The following PPP3CC variants were observed in gnomAD, a reference collection of about 807,000 sequenced individuals.
PPP3CC encodes the protein serine/threonine-protein phosphatase 2B catalytic subunit gamma isoform.
Under a neutral mutation model 60.3 loss-of-function variants are expected in PPP3CC, and 35 were observed. That is an observed-to-expected ratio of 0.58 (90% confidence interval 0.44 to 0.77). The LOEUF (loss-of-function observed/expected upper bound fraction) is 0.77. Among genes scored for constraint, PPP3CC ranks in the 30% least tolerant of loss-of-function variants. The probability of loss-of-function intolerance (pLI) is 0.00; values close to 1 mark genes in which losing one functional copy is unlikely to be tolerated. For missense variants in PPP3CC, 570 were observed against 628.9 expected (o/e 0.91, Z 1.00); for synonymous variants, 206 against 224.3 (o/e 0.92, Z 0.73).
At chr8:22,447,174 A>AAT (rs1399822293) in intron 1 of PPP3CC, among the ~76,000 whole-genome samples, 11 of 140,214 alleles carry the variant, frequency 7.8e-5, no homozygotes, top group Non-Finnish European at 1.7e-4. Context: ...GTGTCCAACT[A>AAT]ATTTTTTTTT....
rs559827375 is a variant in PPP3CC, at chr8:22,505,057, C to G, written c.485-6029C>G. Among the ~76,000 whole-genome samples, 5 of 128,050 alleles carry G rather than the reference C, an allele frequency of 3.9e-5. No individual in the cohort carries two copies. In the East Asian group the frequency reaches 1.2e-3, roughly 31 times the overall value. The allele number at this position is 128,050 out of a possible 152,430, so 84.0% of individuals were successfully genotyped here. On this transcript the variant is annotated intron_variant, in intron 4 of 13. Coordinates refer to ENST00000240139, the MANE Select transcript of PPP3CC (RefSeq NM_005605.5). ...TTTTTTTTTTTTTGATAGGGAGTCT[C>G]GCTTCGTCACCCAGGCTGGAGTGCA...
At chr8:22,515,535 T>C (rs909519113) in intron 6 of PPP3CC, among the ~76,000 whole-genome samples, 3 of 152,254 alleles carry the variant, frequency 2.0e-5, no homozygotes, top group Non-Finnish European at 2.9e-5. Context: ...TTTAGTTTTT[T>C]TGAGGAACTC....
chr8:22,492,496 A>C (rs1027409383), intron 3 of PPP3CC: 3 of 279,804 alleles, frequency 1.1e-5, no homozygotes, highest in Non-Finnish European at 2.0e-5. Flanking sequence ...TAAGATTTTT[A>C]ATTTTGAGCT....
chr8:22,488,057 T>C (rs1355897791), intron 3 of PPP3CC, among the ~76,000 whole-genome samples: 3 of 152,232 alleles, frequency 2.0e-5, no homozygotes, highest in Admixed American at 2.0e-4. Flanking sequence ...GACATTATAC[T>C]ATGGGTGGAT....
chr8:22,457,001 C>T (rs550481392), intron 1 of PPP3CC, among the ~76,000 whole-genome samples: 2 of 61,832 alleles, frequency 3.2e-5, no homozygotes, highest in Non-Finnish European at 6.2e-5. Context: ...CCCTCCCTCC[C>T]TCCCTCCCTC....
intron 6 of PPP3CC, among the ~76,000 whole-genome samples, chr8:22,517,395 ATT>A (rs1486334117): frequency 6.6e-6 from 1 of 151,852 alleles, no homozygotes; most frequent in Non-Finnish European, 1.5e-5. Flanking sequence ...GTTTGGAAGA[ATT>A]CTCTCTTCTA....
rs1477501930 is a variant in PPP3CC, at chr8:22,531,544, CT to C, written c.1142-677del. Among the ~76,000 whole-genome samples the C allele has an allele frequency of 2.6e-5, 4 of 152,168 alleles. No homozygotes were observed. In the East Asian group the frequency reaches 7.7e-4, roughly 29 times the overall value. On this transcript the variant is annotated intron_variant, in intron 10 of 13. Transcript: ENST00000240139. ...GGAGAGGCCATGTTTCTTTTTCTGA[CT>C]TTTGACTGTAGTCACCTGGTGCATG...
chr8:22,459,764 A>G (rs1837313553), intron 1 of PPP3CC, among the ~76,000 whole-genome samples: 1 of 152,164 alleles, frequency 6.6e-6, no homozygotes, highest in Admixed American at 6.5e-5. Context: ...ATGTAATGGT[A>G]TTAGGAGGTA....
intron 1 of PPP3CC, among the ~76,000 whole-genome samples, chr8:22,457,769 ATTC>A (rs1837248629): frequency 6.6e-6 from 1 of 152,250 alleles, no homozygotes; most frequent in Non-Finnish European, 1.5e-5. Context: ...AGAGCATATG[ATTC>A]TTCAAGGTAG....
At chr8:22,525,961 G>T (rs949946716) in intron 8 of PPP3CC, among the ~76,000 whole-genome samples, 10 of 150,994 alleles carry the variant, frequency 6.6e-5, no homozygotes, top group Admixed American at 4.0e-4. Flanking sequence ...TCTGCCTCCC[G>T]GGTTCAAGCA....
At chr8:22,453,868 G>A (rs1048043534) in intron 1 of PPP3CC, among the ~76,000 whole-genome samples, 1 of 152,072 alleles carries the variant, frequency 6.6e-6, no homozygotes, top group African/African-American at 2.4e-5. Context: ...GATAAAAAAT[G>A]GTCCACCTGT....
At chr8:22,494,924 A>G (rs753823740) in intron 3 of PPP3CC, among the ~76,000 whole-genome samples, 15 of 152,138 alleles carry the variant, frequency 9.9e-5, no homozygotes, top group Non-Finnish European at 1.9e-4. Context: ...AGGGTGGCAT[A>G]CTACAGCTAC....
At chr8:22,467,579 G>A (rs1284003749) in intron 1 of PPP3CC, among the ~76,000 whole-genome samples, 4 of 151,964 alleles carry the variant, frequency 2.6e-5, no homozygotes, top group Admixed American at 2.0e-4. Flanking sequence ...AGGCAAGCAC[G>A]CGCCACCACA....
At chr8:22,471,398 T>G (rs1837716814) in intron 1 of PPP3CC, among the ~76,000 whole-genome samples, 1 of 151,916 alleles carries the variant, frequency 6.6e-6, no homozygotes, top group Non-Finnish European at 1.5e-5. Context: ...TGTCATGAGA[T>G]GACTTTGTCA....
At chr8:22,460,207 G>A (rs933532653) in intron 1 of PPP3CC, among the ~76,000 whole-genome samples, 1 of 152,030 alleles carries the variant, frequency 6.6e-6, no homozygotes, top group Admixed American at 6.6e-5. Context: ...CAAGTGTATA[G>A]TATCTTTGAT....
chr8:22,469,792 GAC>G (rs60376569), intron 1 of PPP3CC, among the ~76,000 whole-genome samples: 1,762 of 152,084 alleles, frequency 0.012, 36 homozygotes, highest in African/African-American at 0.04. Flanking sequence ...GCGGAGCAGA[GAC>G]AAGCCAGCCC....
At chr8:22,531,645 CT>C (rs547697167) in intron 10 of PPP3CC, among the ~76,000 whole-genome samples, 117 of 152,264 alleles carry the variant, frequency 7.7e-4, no homozygotes, top group African/African-American at 2.8e-3. Flanking sequence ...CTTAAGTTAA[CT>C]TTTTCTGTTG....
intron 3 of PPP3CC, among the ~76,000 whole-genome samples, chr8:22,487,166 G>T (rs1838249313): frequency 6.6e-6 from 1 of 152,154 alleles, no homozygotes; most frequent in Non-Finnish European, 1.5e-5. Context: ...ACATCTTTTT[G>T]AATATATCTG....
At chr8:22,457,947 C>A (rs1166215195) in intron 1 of PPP3CC, among the ~76,000 whole-genome samples, 2 of 151,966 alleles carry the variant, frequency 1.3e-5, no homozygotes, top group African/African-American at 4.8e-5. Flanking sequence ...CAAAATTAGC[C>A]AGGCGTGGTG....
Sources: gnomAD v4.1 joint callset for allele counts (sites outside exome capture counted in the v4.1 genomes callset) on GRCh38, gnomAD v4.1.1 for gene constraint, MANE v1.5 for transcripts, NCBI Gene and HGNC (gene_info 2026-07-23, HGNC 2026-07-21) for gene names.